Variants in RALGAPA2 observed in about 807,000 individuals in gnomAD.
RALGAPA2 encodes the protein ral GTPase-activating protein subunit alpha-2.
A neutral mutation model predicts 230.4 loss-of-function variants in RALGAPA2; 139 were observed. The observed-to-expected ratio is 0.60, with a 90% CI of 0.53 to 0.69. RALGAPA2 has a LOEUF of 0.69. Among genes scored for constraint, RALGAPA2 ranks in the 30% least tolerant of loss-of-function variants. The pLI is 0.00. For missense variants in RALGAPA2, 2,163 were observed against 2,276.0 expected, an observed-to-expected ratio of 0.95 and a Z score of 1.01; for synonymous variants, 847 against 837.8, an observed-to-expected ratio of 1.01 and a Z score of -0.19.
At chr20:20,561,252 T>G (rs894847650) in intron 23 of RALGAPA2, among the ~76,000 whole-genome samples, 1 of 152,206 alleles carries the variant, frequency 6.6e-6, no homozygotes, top group Non-Finnish European at 1.5e-5. Flanking sequence ...AAACAGTCTC[T>G]CTCACACAGC....
chr20:20,560,730 T>C (rs1410558520), intron 23 of RALGAPA2, among the ~76,000 whole-genome samples: 1 of 152,232 alleles, frequency 6.6e-6, no homozygotes, highest in African/African-American at 2.4e-5. Context: ...CTTTAGTACC[T>C]GAAATGTCTC....
chr20:20,447,965 C>T (rs958335554), intron 37 of RALGAPA2, among the ~76,000 whole-genome samples: 1 of 152,208 alleles, frequency 6.6e-6, no homozygotes, highest in East Asian at 1.9e-4. Flanking sequence ...TCCAATTATT[C>T]TTCCAACTCT....
intron 1 of RALGAPA2, among the ~76,000 whole-genome samples, chr20:20,691,706 T>C (rs2068917091): frequency 6.6e-6 from 1 of 152,160 alleles, no homozygotes; most frequent in South Asian, 2.1e-4. Flanking sequence ...CAAGCACCAC[T>C]AGCCTGGTCC....
chr20:20,643,895 A>C (rs979850990), intron 4 of RALGAPA2, among the ~76,000 whole-genome samples: 4 of 152,162 alleles, frequency 2.6e-5, no homozygotes, highest in African/African-American at 7.2e-5. Context: ...ATTGCTCACA[A>C]AACATTTTTA....
intron 1 of RALGAPA2, 35 bp from the exon 2 acceptor site, chr20:20,680,836 C>G (rs765013554): frequency 1.3e-6 from 2 of 1,524,762 alleles, no homozygotes; most frequent in Non-Finnish European, 1.7e-6. Context: ...TGACAATTCA[C>G]TTTATAAAAT....
At chr20:20,457,027 C>G (rs1407976530) in intron 37 of RALGAPA2, among the ~76,000 whole-genome samples, 1 of 152,168 alleles carries the variant, frequency 6.6e-6, no homozygotes, top group African/African-American at 2.4e-5. Flanking sequence ...TGTGAGAAGA[C>G]AATGTTAGGA....
At chr20:20,524,944 C>A in intron 28 of RALGAPA2, 46 bp from the exon 29 acceptor site, 1 of 1,520,112 alleles carries the variant, frequency 6.6e-7, no homozygotes, top group South Asian at 1.2e-5. Flanking sequence ...TATTTGTAAG[C>A]CTTTGTAAGC....
rs774321454 is a variant in RALGAPA2, at chr20:20,495,152, G to A, written c.5332C>T (p.His1778Tyr). ...TTCGTTATCGCGATGAAGAACATGTGATTCTTCATTGGGTAAATAATGATT... is the reference window on the plus strand; with the variant it reads ...TTCGTTATCGCGATGAAGAACATGTAATTCTTCATTGGGTAAATAATGATT... ...VSIIIYPMKN[H>Y]MFFIAITKKP... is the part of the protein sequence containing the mutation. The change falls in exon 36 of 40, where the codon CAC becomes TAC. Residue 1778 changes from histidine (H) to tyrosine (Y), a missense_variant. By Grantham distance (83) the His-to-Tyr change is moderately conservative. Coordinates refer to ENST00000202677, the MANE Select transcript of RALGAPA2 (RefSeq NM_020343.4). 1.2e-6 allele frequency: 2 copies of A among 1,609,402 alleles called. No individual in the cohort carries two copies. The highest frequency in any genetic ancestry group is 2.2e-5 in the South Asian group (2 of 90,604).
At chr20:20,496,604 C>T (rs990692750) in intron 35 of RALGAPA2, among the ~76,000 whole-genome samples, 1 of 152,122 alleles carries the variant, frequency 6.6e-6, no homozygotes, top group African/African-American at 2.4e-5. Flanking sequence ...AATTCAGAAG[C>T]AGTTTAATAA....
At position 20,512,139 on chromosome 20, in the gene RALGAPA2, G is replaced by C. The variant is rs1013983203; in HGVS notation, c.4856+374C>G. On this transcript the variant is annotated intron_variant, in intron 32 of 39. Transcript: ENST00000202677. The stretch of plus-strand genomic sequence containing the variant: ...GGAGGCGGAGGTTGCCGTGAGCCGA[G>C]ACCATGCCACAGCACTCCAGCCCGG... Among the ~76,000 whole-genome samples the C allele has an allele frequency of 1.6e-4, 24 of 151,844 alleles. No individual in the cohort carries two copies. The South Asian group carries it at 4.4e-3, about 28-fold the overall frequency.
In RALGAPA2 at chr20:20,659,293, A is replaced by G. The variant is rs77851491; in HGVS notation, c.271-5706T>C. Among the ~76,000 whole-genome samples, 20 of 152,320 alleles carry G rather than the reference A, an allele frequency of 1.3e-4. No individual in the cohort carries two copies. The East Asian group carries it at 3.7e-3, about 28-fold the overall frequency. On this transcript the variant is annotated intron_variant, in intron 3 of 39. Transcript: ENST00000202677. ...GACCCATAGAGAGGGCAACTTGATC[A>G]TTTGCTGTCTTAGGCCTGGACACTC...
At chr20:20,640,935 A>ACTTGAGTAC in intron 5 of RALGAPA2, 57 bp from the exon 6 acceptor site, 2 of 1,428,874 alleles carry the variant, frequency 1.4e-6, no homozygotes, top group Non-Finnish European at 1.9e-6. Context: ...GAAATGCATT[A>ACTTGAGTAC]CAATGTAGCA....
chr20:20,704,199 G>A (rs1164069240), intron 1 of RALGAPA2, among the ~76,000 whole-genome samples: 2 of 152,060 alleles, frequency 1.3e-5, no homozygotes, highest in Admixed American at 1.3e-4. Flanking sequence ...CTTTCAAGTG[G>A]CCTTAGAGGA....
Position 20,622,878 on chromosome 20 carries a change from A to G in RALGAPA2, c.1234-2248T>C, listed in dbSNP as rs1168195981. 2.0e-5 allele frequency among the ~76,000 whole-genome samples: 3 copies of G among 152,224 alleles called. No homozygotes were observed. The East Asian group carries it at 5.8e-4, about 29-fold the overall frequency. ...GTTCTGAAAGGGATAATATCTACAT[A>G]TTACATATTCATAATAATAACAATG... On this transcript the variant is annotated intron_variant, in intron 10 of 39. Coordinates refer to ENST00000202677, the MANE Select transcript of RALGAPA2 (RefSeq NM_020343.4).
chr20:20,623,750 T>C (rs1473625053), intron 10 of RALGAPA2, among the ~76,000 whole-genome samples: 1 of 152,192 alleles, frequency 6.6e-6, no homozygotes, highest in Non-Finnish European at 1.5e-5. Context: ...TCCATTTAGG[T>C]TTTCTTTTAA....
intron 23 of RALGAPA2, among the ~76,000 whole-genome samples, chr20:20,551,470 T>A (rs1375580284): frequency 6.6e-6 from 1 of 152,228 alleles, no homozygotes; most frequent in Non-Finnish European, 1.5e-5. Context: ...ACACTGAGTG[T>A]GAAAAGATCA....
chr20:20,671,996 C>A (rs2068152102), intron 3 of RALGAPA2, among the ~76,000 whole-genome samples: 1 of 152,118 alleles, frequency 6.6e-6, no homozygotes, highest in African/African-American at 2.4e-5. Context: ...GATCTGTAAG[C>A]AACATGCAAA....
chr20:20,488,217 C>T (rs1021098332), intron 36 of RALGAPA2, among the ~76,000 whole-genome samples: 6 of 152,184 alleles, frequency 3.9e-5, no homozygotes, highest in African/African-American at 1.4e-4. Flanking sequence ...GAAAGGTCAA[C>T]TGTATTTCCA....
intron 4 of RALGAPA2, among the ~76,000 whole-genome samples, chr20:20,644,953 A>T (rs934919447): frequency 6.6e-6 from 1 of 152,228 alleles, no homozygotes; most frequent in African/African-American, 2.4e-5. Flanking sequence ...TAAAGTCTGC[A>T]CAGACAGTTC....
Sources: gnomAD v4.1 joint callset for allele counts (sites outside exome capture counted in the v4.1 genomes callset) on GRCh38, gnomAD v4.1.1 for gene constraint, MANE v1.5 for transcripts, NCBI Gene and HGNC (gene_info 2026-07-23, HGNC 2026-07-21) for gene names.